TMC8: variants seen among roughly 807,000 people sequenced by gnomAD.
TMC8 encodes the protein transmembrane channel-like protein 8.
Under a neutral mutation model 76.0 loss-of-function variants are expected in TMC8, and 71 were observed. The ratio of observed to expected loss-of-function variants is 0.93; its 90% CI spans 0.77 to 1.14. The LOEUF is 1.14. Ranked by LOEUF, TMC8 falls within the 50% of genes most tolerant of loss-of-function variation. TMC8 has a pLI of 0.00. For missense variants in TMC8, 924 were observed against 947.9 expected (o/e 0.97, Z 0.33); for synonymous variants, 433 against 433.8 (o/e 1.00, Z 0.02).
chr17:78,140,751 C>T, intron 15 of TMC8, 83 bp from the exon 16 acceptor site: 1 of 1,535,404 alleles, frequency 6.5e-7, no homozygotes, highest in South Asian at 1.2e-5. Context: ...GCCCATGGGC[C>T]GCAGAGTTGC....
chr17:78,138,286 G>GT, intron 12 of TMC8, 63 bp from the exon 13 acceptor site: 1 of 1,611,682 alleles, frequency 6.2e-7, no homozygotes. Context: ...CCTTCCCTGG[G>GT]TGTCAGCCCC....
intron 10 of TMC8, 97 bp downstream of exon 10, chr17:78,137,455 C>G (rs1168906073): frequency 6.3e-7 from 1 of 1,597,542 alleles, no homozygotes; most frequent in African/African-American, 1.3e-5. Context: ...CTTTAGTCAC[C>G]TTTGAGAGAA....
rs1345459696 is a variant in TMC8 at position 78,131,616 on chromosome 17, G to A, written c.28G>A (p.Glu10Lys). Residue 10 changes from glutamate to lysine, a missense_variant, in exon 2 of 16, where the codon GAG (glutamate) becomes AAG (lysine). Glu to Lys is a moderately conservative substitution (Grantham distance 56). Transcript: ENST00000318430. ...GCTGCTGCCGCGGTCGGTGTCATCG[G>A]AGCGGGCCCCTGGGGTGCCGGAGCC... MLLPRSVSS[E>K]RAPGVPEPEE... 1.3e-6 allele frequency: 2 copies of A among 1,549,978 alleles called. No individual in the cohort carries two copies. The highest frequency in any genetic ancestry group is 1.7e-6 in the Non-Finnish European group (2 of 1,148,228).
At chr17:78,138,786 C>T (rs1183235089) in intron 14 of TMC8, 54 bp downstream of exon 14, 1 of 1,597,492 alleles carries the variant, frequency 6.3e-7, no homozygotes, top group South Asian at 1.1e-5. Context: ...GGAGGTCCTT[C>T]CTTCCATGGG....
Position 78,141,308 on chromosome 17 carries a change from C to T in TMC8, c.*196C>T, listed in dbSNP as rs898988225. 4.9e-6 allele frequency: 2 copies of T among 404,618 alleles called. No individual in the cohort carries two copies. The highest frequency in any genetic ancestry group is 1.0e-4 in the South Asian group (1 of 9,642). 25.1% of individuals were successfully genotyped at this position (404,618 alleles called of 1,614,324 possible). A position where few individuals can be genotyped will look rare whatever the true frequency, so the allele number is the denominator to read the frequency against. ...TTCTTTCTATATTTTAATCTCATCCCTTTAAAATGTCTATTTTTTATTGTG... is the reference window on the plus strand; with the variant it reads ...TTCTTTCTATATTTTAATCTCATCCTTTTAAAATGTCTATTTTTTATTGTG... On this transcript the variant is annotated 3_prime_UTR_variant, in exon 16 of 16. Transcript: ENST00000318430.
rs1437191918 is a variant in TMC8, at chr17:78,141,751, C to G, written c.*639C>G. On this transcript the variant is annotated 3_prime_UTR_variant, in exon 16 of 16. Coordinates refer to ENST00000318430, the MANE Select transcript of TMC8 (RefSeq NM_152468.5). The stretch of plus-strand genomic sequence containing the variant: ...CTCCTGGCCCTGACTGAGGGGCTGA[C>G]TGAAGCCTGGTGAGAGCGTGCTGGG... 1 of 152,304 alleles carries G rather than the reference C, an allele frequency of 6.6e-6. No homozygotes were observed. Among genetic ancestry groups the G allele is most frequent in the East Asian group, 1.9e-4 (1 of 5,204 alleles). The allele number at this position is 152,304 out of a possible 1,614,324, so 9.4% of individuals were successfully genotyped here.
At chr17:78,132,082 C>T (rs533747613) in intron 3 of TMC8, 52 bp downstream of exon 3, 5 of 1,533,996 alleles carry the variant, frequency 3.3e-6, no homozygotes, top group South Asian at 1.2e-5. Context: ...AGCCCCACTG[C>T]CCAGATCGGA....
chr17:78,138,383 G>T lies in TMC8; in HGVS notation c.1568G>T (p.Arg523Leu), dbSNP rs756911102. ...CTGAAGAACTCCAGGGCATCTTCGC[G>T]GCCCTTCCGTGCCTCCAGCTCCACC... ...TLLKNSRASS[R>L]PFRASSSTFF... The change falls in exon 13 of 16, where the codon CGG becomes CTG. Residue 523 changes from arginine to leucine, a missense_variant. By Grantham distance (102) the Arg-to-Leu change is moderately radical. Coordinates refer to ENST00000318430, the MANE Select transcript of TMC8 (RefSeq NM_152468.5). 1 of 1,611,714 alleles carries T rather than the reference G, an allele frequency of 6.2e-7. No homozygotes were observed. Among genetic ancestry groups the T allele is most frequent in the Non-Finnish European group, 8.5e-7 (1 of 1,179,992 alleles).
chr17:78,140,971 C>A lies in TMC8; in HGVS notation c.2040C>A (p.Cys680Ter). 6.3e-7 allele frequency: 1 copy of A among 1,593,450 alleles called. No individual in the cohort carries two copies. The highest frequency in any genetic ancestry group is 8.5e-7 in the Non-Finnish European group (1 of 1,170,768). Residue 680 changes from cysteine (C) to a stop codon, truncating the protein, a stop_gained, in exon 16 of 16, where the codon TGC (cysteine) becomes TGA (stop). Transcript: ENST00000318430. LOFTEE classifies it low-confidence loss of function (END_TRUNC). ...RPQSFCPGCP[C>*]PGSPGHQAPR... ...AGTCCTTCTGCCCCGGATGCCCATGCCCTGGCTCCCCGGGCCACCAGGCCC... is the reference window on the plus strand; with the variant it reads ...AGTCCTTCTGCCCCGGATGCCCATGACCTGGCTCCCCGGGCCACCAGGCCC...
intron 9 of TMC8, chr17:78,136,946 G>A (rs1177991875): frequency 5.0e-6 from 2 of 398,702 alleles, no homozygotes; most frequent in South Asian, 2.1e-5. Flanking sequence ...AGGAGGCAGA[G>A]GTGGCAGTGA....
At position 78,141,651 on chromosome 17, in the gene TMC8, G is replaced by A. The variant is rs2075374225; in HGVS notation, c.*539G>A. ...ACAGTCGAGGCCACAGCGTCAGCCA[G>A]GGCCAGAGCTGGGATTTGAACCCAG... is the stretch of plus-strand genomic sequence containing the variant. On this transcript the variant is annotated 3_prime_UTR_variant, in exon 16 of 16. Coordinates refer to ENST00000318430, the MANE Select transcript of TMC8 (RefSeq NM_152468.5). 1 of 152,306 alleles carries A rather than the reference G, an allele frequency of 6.6e-6. No homozygotes were observed. Among genetic ancestry groups the A allele is most frequent in the Non-Finnish European group, 1.5e-5 (1 of 68,064 alleles). The allele number at this position is 152,306 out of a possible 1,614,324, so 9.4% of individuals were successfully genotyped here. A position where few individuals can be genotyped will look rare whatever the true frequency, so the allele number is the denominator to read the frequency against.
chr17:78,132,342 C>T lies in TMC8; in HGVS notation c.299-17C>T. The T allele has an allele frequency of 6.2e-7, 1 of 1,612,498 alleles. No individual in the cohort carries two copies. The highest frequency in any genetic ancestry group is 8.5e-7 in the Non-Finnish European group (1 of 1,179,632). ...CCGGCCCCGGCCTCCCTGACCCACCCTGCTCTCCCACTGCAGGCCTCTTCG... is the reference window on the plus strand; with the variant it reads ...CCGGCCCCGGCCTCCCTGACCCACCTTGCTCTCCCACTGCAGGCCTCTTCG... On this transcript the variant is annotated splice_polypyrimidine_tract_variant and intron_variant, in intron 3 of 15. Transcript: ENST00000318430.
In TMC8 at chr17:78,140,838, T is replaced by C. The variant is rs2075358195; in HGVS notation, c.1907T>C (p.Val636Ala). ...HRLRKQLVWQ[V>A]QEKWHLVEDL... ...CGCCACTTGTTCTCCTCACAGCAGGTTCAGGAGAAGTGGCACCTGGTGGAG... is the reference window on the plus strand; with the variant it reads ...CGCCACTTGTTCTCCTCACAGCAGGCTCAGGAGAAGTGGCACCTGGTGGAG... Residue 636 changes from valine to alanine, a missense_variant, in exon 16 of 16, where the codon GTT becomes GCT. Transcript: ENST00000318430. The C allele has an allele frequency of 6.2e-7, 1 of 1,607,792 alleles. No homozygotes were observed. The highest frequency in any genetic ancestry group is 8.5e-7 in the Non-Finnish European group (1 of 1,177,964).
chr17:78,138,568 C>T lies in TMC8; in HGVS notation c.1665-6C>T, dbSNP rs1443735053. 12 of 1,613,672 alleles carry T rather than the reference C, an allele frequency of 7.4e-6. No individual in the cohort carries two copies. The highest frequency in any genetic ancestry group is 4.0e-5 in the African/African-American group (3 of 74,942). The stretch of plus-strand genomic sequence containing the variant: ...ATGCCAGCCCCACTTGGCCATCTCT[C>T]GCCAGCATCCACTCCTCCTGGGACT... On this transcript the variant is annotated splice_region_variant and splice_polypyrimidine_tract_variant and intron_variant, in intron 13 of 15. Coordinates refer to ENST00000318430, the MANE Select transcript of TMC8 (RefSeq NM_152468.5).
intron 9 of TMC8, 79 bp from the exon 10 acceptor site, chr17:78,137,156 T>C: frequency 6.3e-7 from 1 of 1,592,682 alleles, no homozygotes; most frequent in Non-Finnish European, 8.5e-7. Context: ...CACTCGGACA[T>C]CAGCCACACC....
At chr17:78,134,811 C>T (rs1357862656) in intron 8 of TMC8, 59 bp from the exon 9 acceptor site, 19 of 1,607,518 alleles carry the variant, frequency 1.2e-5, no homozygotes, top group Middle Eastern at 1.9e-4. Context: ...CTGTGGGGGG[C>T]GGGGAGCAGA....
chr17:78,137,421 C>G (rs561000759), intron 10 of TMC8, 63 bp downstream of exon 10: 1 of 1,611,382 alleles, frequency 6.2e-7, no homozygotes, highest in South Asian at 1.1e-5. Context: ...TCACCTCAAA[C>G]TGTGCAGAGC....
intron 15 of TMC8, among the ~76,000 whole-genome samples, chr17:78,139,746 A>AC (rs2075327754): frequency 6.6e-6 from 1 of 150,582 alleles, no homozygotes; most frequent in South Asian, 2.1e-4. Flanking sequence ...AAAAAAAAAA[A>AC]AAAAAAACCG....
chr17:78,133,765 GC>G (rs780329536), intron 6 of TMC8, 87 bp from the exon 7 acceptor site: 5 of 1,596,006 alleles, frequency 3.1e-6, no homozygotes, highest in Non-Finnish European at 4.3e-6. Context: ...GGCTGCAGGG[GC>G]CTTCCCAGAC....
Sources: allele counts gnomAD v4.1 joint callset (sites outside exome capture counted in the v4.1 genomes callset), GRCh38; gene constraint gnomAD v4.1.1; transcripts MANE v1.5; gene names NCBI Gene and HGNC (gene_info 2026-07-23, HGNC 2026-07-21).